CPXM2: variants seen among roughly 807,000 people sequenced by gnomAD.
CPXM2 encodes inactive carboxypeptidase-like protein X2.
CPXM2 carries 66 observed loss-of-function variants against 86.1 expected under a neutral mutation model. The observed-to-expected ratio is 0.77, with a 90% CI of 0.63 to 0.94. The LOEUF is 0.94. Ranked by LOEUF, CPXM2 falls within the 40% of genes least tolerant of loss-of-function variation. The pLI is 0.00. For synonymous variants in CPXM2, 388 were observed against 400.2 expected (o/e 0.97, Z 0.36); for missense variants, 948 against 1,026.3 (o/e 0.92, Z 1.04).
At chr10:123,908,288 A>C (rs1309458515) in intron 2 of CPXM2, among the ~76,000 whole-genome samples, 2 of 152,122 alleles carry the variant, frequency 1.3e-5, no homozygotes, top group Admixed American at 6.5e-5. Context: ...TGCTGGAGAA[A>C]GACTAGGAAG....
intron 4 of CPXM2, among the ~76,000 whole-genome samples, chr10:123,832,106 T>C (rs1448127634): frequency 6.6e-6 from 1 of 152,180 alleles, no homozygotes; most frequent in East Asian, 1.9e-4. Flanking sequence ...TAAAGATGAA[T>C]ATATTAACAT....
At chr10:123,874,700 G>A (rs1020923138) in intron 2 of CPXM2, among the ~76,000 whole-genome samples, 6 of 152,182 alleles carry the variant, frequency 3.9e-5, no homozygotes, top group African/African-American at 1.2e-4. Flanking sequence ...GATGGAAACA[G>A]GATAGATCAC....
At chr10:123,859,362 G>A (rs1848806118) in intron 3 of CPXM2, among the ~76,000 whole-genome samples, 1 of 152,244 alleles carries the variant, frequency 6.6e-6, no homozygotes, top group African/African-American at 2.4e-5. Context: ...CACTGCATGT[G>A]GCACTGGCTC....
intron 4 of CPXM2, among the ~76,000 whole-genome samples, chr10:123,810,621 A>T (rs1242324589): frequency 6.6e-6 from 1 of 152,138 alleles, no homozygotes; most frequent in African/African-American, 2.4e-5. Flanking sequence ...TTACACTTAC[A>T]AATAAAATAA....
At chr10:123,914,068 T>C (rs777730414) in intron 2 of CPXM2, 7 of 486,964 alleles carry the variant, frequency 1.4e-5, no homozygotes, top group South Asian at 1.0e-4. Context: ...TGGCTTGACC[T>C]CTTTGGCATG....
chr10:123,762,978 G>C (rs1404899838), intron 10 of CPXM2, among the ~76,000 whole-genome samples: 1 of 152,168 alleles, frequency 6.6e-6, no homozygotes. Flanking sequence ...CCCTGGATTG[G>C]ACCAATGAGA....
At chr10:123,772,452 T>G (rs1320435946) in intron 7 of CPXM2, among the ~76,000 whole-genome samples, 4 of 151,806 alleles carry the variant, frequency 2.6e-5, no homozygotes, top group Non-Finnish European at 5.9e-5. Flanking sequence ...CTGGGTGTAG[T>G]TGTCACCTCC....
chr10:123,866,488 C>T (rs1031962828), intron 2 of CPXM2, among the ~76,000 whole-genome samples: 6 of 152,094 alleles, frequency 3.9e-5, no homozygotes, highest in African/African-American at 7.2e-5. Flanking sequence ...TCGCTTAAAC[C>T]TGGGAGGCGG....
intron 13 of CPXM2, among the ~76,000 whole-genome samples, chr10:123,749,317 G>A (rs1846027012): frequency 6.6e-6 from 1 of 152,152 alleles, no homozygotes; most frequent in African/African-American, 2.4e-5. Flanking sequence ...CAAGGGAGGT[G>A]TTCAGTAAGC....
At chr10:123,907,406 T>G (rs937620541) in intron 2 of CPXM2, among the ~76,000 whole-genome samples, 1 of 152,228 alleles carries the variant, frequency 6.6e-6, no homozygotes, top group Non-Finnish European at 1.5e-5. Context: ...CTGCATTTAC[T>G]TGGGGAGGAC....
At chr10:123,943,530 C>T (rs1193941576), upstream of CPXM2, among the ~76,000 whole-genome samples, 1 of 152,208 alleles carries the variant, frequency 6.6e-6, no homozygotes, top group African/African-American at 2.4e-5. Context: ...GACCAGCAGG[C>T]TGCAGAGAGG....
At chr10:123,791,503 C>G (rs78160261) in intron 6 of CPXM2, among the ~76,000 whole-genome samples, 1 of 152,134 alleles carries the variant, frequency 6.6e-6, no homozygotes, top group Non-Finnish European at 1.5e-5. Flanking sequence ...CTGCTTCTTC[C>G]GATGTCCATT....
intron 13 of CPXM2, among the ~76,000 whole-genome samples, chr10:123,747,623 A>G (rs1220138031): frequency 6.6e-6 from 1 of 152,132 alleles, no homozygotes; most frequent in Non-Finnish European, 1.5e-5. Flanking sequence ...CATGAGACCC[A>G]TGCTGGAGCT....
intron 3 of CPXM2, among the ~76,000 whole-genome samples, chr10:123,859,684 C>A (rs951246545): frequency 6.6e-6 from 1 of 152,170 alleles, no homozygotes; most frequent in African/African-American, 2.4e-5. Flanking sequence ...AATAAGATGC[C>A]CCTGAAGAAA....
At chr10:123,938,583 C>T (rs920907294) in intron 2 of CPXM2, among the ~76,000 whole-genome samples, 2 of 152,166 alleles carry the variant, frequency 1.3e-5, no homozygotes, top group Admixed American at 6.5e-5. Flanking sequence ...CATGTGACCT[C>T]CTGGAGCTGC....
chr10:123,934,448 C>G (rs976308224), intron 2 of CPXM2, among the ~76,000 whole-genome samples: 1 of 151,818 alleles, frequency 6.6e-6, no homozygotes, highest in Admixed American at 6.6e-5. Context: ...AGCCCTCTCC[C>G]TGTGTGTCTG....
At chr10:123,840,008 TC>T (rs1049808190) in intron 4 of CPXM2, among the ~76,000 whole-genome samples, 73 of 152,328 alleles carry the variant, frequency 4.8e-4, no homozygotes, top group African/African-American at 1.7e-3. Context: ...CCCCAACCCT[TC>T]TTGTGTTTCT....
At chr10:123,929,016 G>A (rs986558216) in intron 2 of CPXM2, among the ~76,000 whole-genome samples, 1 of 152,210 alleles carries the variant, frequency 6.6e-6, no homozygotes, top group Non-Finnish European at 1.5e-5. Flanking sequence ...CCTACAGGGG[G>A]CCTATAGCTG....
At chr10:123,797,073 A>G (rs1847349646) in intron 6 of CPXM2, among the ~76,000 whole-genome samples, 1 of 152,236 alleles carries the variant, frequency 6.6e-6, no homozygotes, top group Non-Finnish European at 1.5e-5. Context: ...CAGAGAAGAC[A>G]TTACCAAAGA....
Sources: allele counts gnomAD v4.1 joint callset (sites outside exome capture counted in the v4.1 genomes callset), GRCh38; gene constraint gnomAD v4.1.1; transcripts MANE v1.5; gene names NCBI Gene and HGNC (gene_info 2026-07-23, HGNC 2026-07-21).